Variants in CACNA1C observed in about 807,000 individuals in gnomAD.
CACNA1C encodes calcium voltage-gated channel subunit alpha1 C, also known as voltage-dependent L-type calcium channel subunit alpha-1C.
CACNA1C carries 30 observed loss-of-function variants against 229.0 expected under a neutral mutation model. The observed-to-expected ratio is 0.13, with a 90% CI of 0.10 to 0.18. The LOEUF (loss-of-function observed/expected upper bound fraction) is 0.18, where lower values mean the gene tolerates loss of function less well. Among genes scored for constraint, CACNA1C ranks in the 10% least tolerant of loss-of-function variants. The pLI, the probability that CACNA1C is intolerant of heterozygous loss-of-function variation, is 1.00. For synonymous variants in CACNA1C, 1,114 were observed against 1,132.5 expected, an observed-to-expected ratio of 0.98 and a Z score of 0.33; for missense variants, 1,658 against 2,845.0, an observed-to-expected ratio of 0.58 and a Z score of 9.49.
At chr12:2,213,075 C>A (rs999256983) in intron 3 of CACNA1C, among the ~76,000 whole-genome samples, 3 of 152,182 alleles carry the variant, frequency 2.0e-5, no homozygotes, top group Admixed American at 6.5e-5. Context: ...GCTCCTGACT[C>A]CCACAGATGC....
chr12:2,191,942 ACT>A (rs1477526170), intron 3 of CACNA1C, among the ~76,000 whole-genome samples: 2 of 152,042 alleles, frequency 1.3e-5, no homozygotes, highest in African/African-American at 2.4e-5. Context: ...ACACATGGAC[ACT>A]CATACACGCA....
At chr12:2,075,561 A>G (rs2062880587) in intron 1 of CACNA1C, among the ~76,000 whole-genome samples, 1 of 152,220 alleles carries the variant, frequency 6.6e-6, no homozygotes, top group African/African-American at 2.4e-5. Flanking sequence ...ACGCTTTGCC[A>G]TGTTTATGTT....
intron 3 of CACNA1C, among the ~76,000 whole-genome samples, chr12:2,252,783 C>T (rs1176973771): frequency 6.6e-6 from 1 of 152,012 alleles, no homozygotes. Flanking sequence ...TACTCTTCCC[C>T]AGTTTTTACT....
intron 37 of CACNA1C, among the ~76,000 whole-genome samples, chr12:2,667,829 CAGG>C (rs909392941): frequency 3.9e-5 from 6 of 152,158 alleles, no homozygotes; most frequent in Non-Finnish European, 8.8e-5. Flanking sequence ...CTGAGATTAG[CAGG>C]AGGTCACCGT....
At chr12:1,977,007 C>G (rs1019078) in intron 1 of CACNA1C, among the ~76,000 whole-genome samples, 1,549 of 152,186 alleles carry the variant, frequency 0.01, 32 homozygotes, top group African/African-American at 0.035. Context: ...AATAAATATC[C>G]TAGAATGGAA....
At chr12:2,301,102 A>G (rs2094524067) in intron 3 of CACNA1C, among the ~76,000 whole-genome samples, 1 of 152,162 alleles carries the variant, frequency 6.6e-6, no homozygotes, top group African/African-American at 2.4e-5. Flanking sequence ...TCAGGGCGGC[A>G]TCTGCCCAGG....
At chr12:2,487,403 C>T (rs909615416) in intron 6 of CACNA1C, among the ~76,000 whole-genome samples, 1 of 148,654 alleles carries the variant, frequency 6.7e-6, no homozygotes, top group Non-Finnish European at 1.5e-5. Flanking sequence ...GAGTGAAATT[C>T]GTAGCAGAAA....
chr12:2,103,580 A>G (rs1342114411), intron 1 of CACNA1C, among the ~76,000 whole-genome samples: 1 of 152,200 alleles, frequency 6.6e-6, no homozygotes, highest in Non-Finnish European at 1.5e-5. Context: ...CTTCAGTTTA[A>G]TCAGATCCCA....
chr12:2,300,932 G>T (rs958493529), intron 3 of CACNA1C, among the ~76,000 whole-genome samples: 2 of 152,210 alleles, frequency 1.3e-5, no homozygotes, highest in Non-Finnish European at 2.9e-5. Flanking sequence ...CGGCTGAGAT[G>T]GGGATGACGA....
chr12:2,442,003 G>A (rs73248708), intron 3 of CACNA1C, among the ~76,000 whole-genome samples: 2,805 of 152,210 alleles, frequency 0.018, 75 homozygotes, highest in African/African-American at 0.063. Flanking sequence ...ATTTTCTTAC[G>A]TCCTTTTGCA....
chr12:2,512,160 T>C lies in CACNA1C; in HGVS notation c.1218-652T>C, dbSNP rs1460006463. ...CAAATCAGTGGTATACTGGTAAATA[T>C]TTAACAATTGGCTCTCTATGGGGAA... On this transcript the variant is annotated intron_variant, in intron 8 of 46. Transcript: ENST00000399655. This position sits in a 1 kb window ranked among gnomAD's most constrained non-coding sequence, Gnocchi z 4.3. Among the ~76,000 whole-genome samples, 1 of 152,172 alleles carries C rather than the reference T, an allele frequency of 6.6e-6. No individual in the cohort carries two copies. Among genetic ancestry groups the C allele is most frequent in the East Asian group, 1.9e-4 (1 of 5,184 alleles).
intron 22 of CACNA1C, among the ~76,000 whole-genome samples, chr12:2,603,160 C>T (rs972232361): frequency 2.6e-5 from 4 of 152,222 alleles, no homozygotes; most frequent in Non-Finnish European, 5.9e-5. Context: ...TGAATCCCAG[C>T]ATGGCCACTC....
intron 3 of CACNA1C, among the ~76,000 whole-genome samples, chr12:2,246,826 G>A (rs2073497804): frequency 6.6e-6 from 1 of 152,306 alleles, no homozygotes; most frequent in South Asian, 2.1e-4. Flanking sequence ...GAGGGGTGAT[G>A]TCATGACCCA....
At chr12:2,349,915 G>A (rs1005226765) in intron 3 of CACNA1C, among the ~76,000 whole-genome samples, 1 of 152,192 alleles carries the variant, frequency 6.6e-6, no homozygotes, top group African/African-American at 2.4e-5. Flanking sequence ...GAGGAAAGAA[G>A]AGTCGTTTTC....
At chr12:2,194,533 CA>C (rs2097345488) in intron 3 of CACNA1C, among the ~76,000 whole-genome samples, 1 of 152,092 alleles carries the variant, frequency 6.6e-6, no homozygotes, top group South Asian at 2.1e-4. Flanking sequence ...TATTTTCTGC[CA>C]AATGTTTTTC....
At chr12:2,609,382 G>A (rs1383396134) in intron 27 of CACNA1C, among the ~76,000 whole-genome samples, 2 of 151,890 alleles carry the variant, frequency 1.3e-5, no homozygotes, top group East Asian at 1.9e-4. Context: ...GAGTGCCCAC[G>A]GGCAGGAGCG....
intron 3 of CACNA1C, among the ~76,000 whole-genome samples, chr12:2,257,374 C>T (rs1011946150): frequency 6.6e-6 from 1 of 152,158 alleles, no homozygotes; most frequent in Non-Finnish European, 1.5e-5. Context: ...GAATCAGTTT[C>T]GTGGAAGACA....
At position 1,984,964 on chromosome 12, in the gene CACNA1C, A is replaced by C. The variant is rs549986693; in HGVS notation, c.139+13763A>C. Among the ~76,000 whole-genome samples the C allele has an allele frequency of 2.6e-5, 4 of 152,076 alleles. No homozygotes were observed. The East Asian group carries it at 5.8e-4, about 22-fold the overall frequency. On this transcript the variant is annotated intron_variant, in intron 1 of 46. Transcript: ENST00000682462. Reference sequence around the variant, plus strand: ...CTGGCCTACATAATTTCTGATAAGAAATCTGCAGTCATTCAAAACATTATT... The same window carrying C: ...CTGGCCTACATAATTTCTGATAAGACATCTGCAGTCATTCAAAACATTATT...
intron 5 of CACNA1C, among the ~76,000 whole-genome samples, chr12:2,461,251 G>A (rs1469044074): frequency 1.3e-5 from 2 of 152,150 alleles, no homozygotes. Context: ...TGATCTGTTG[G>A]CAGCTTTGGA....
Sources: gnomAD v4.1 joint callset for allele counts (sites outside exome capture counted in the v4.1 genomes callset) on GRCh38, gnomAD v4.1.1 for gene constraint, Gnocchi (gnomAD v3.1) non-coding constraint, MANE v1.5 for transcripts, NCBI Gene and HGNC (gene_info 2026-07-23, HGNC 2026-07-21) for gene names.